Variants in FBXW10 observed in about 807,000 individuals in gnomAD.
The protein encoded by FBXW10 is F-box/WD repeat-containing protein 10.
Under a neutral mutation model 113.1 loss-of-function variants are expected in FBXW10, and 68 were observed. That is an observed-to-expected ratio of 0.60 (90% CI 0.49 to 0.74). The LOEUF is 0.74. Among genes scored for constraint, FBXW10 ranks in the 30% least tolerant of loss-of-function variants. FBXW10 has a pLI of 0.00. For synonymous variants in FBXW10, 289 were observed against 481.6 expected, an observed-to-expected ratio of 0.60 and a Z score of 5.24; for missense variants, 753 against 1,284.5, an observed-to-expected ratio of 0.59 and a Z score of 6.32.
At chr17:18,762,042 C>G (rs1003018799) in intron 7 of FBXW10, among the ~76,000 whole-genome samples, 1 of 151,772 alleles carries the variant, frequency 6.6e-6, no homozygotes, top group African/African-American at 2.4e-5. Context: ...AGCTCACTGC[C>G]AGCTCCGCCT....
rs71185818 is a variant in FBXW10, at chr17:18,754,798, T to C, written c.1123-1247T>C. 7.8e-3 allele frequency among the ~76,000 whole-genome samples: 1,190 copies of C among 151,626 alleles called. 14 individuals are homozygous for C. The highest frequency in any genetic ancestry group is 0.026 in the African/African-American group (1,073 of 41,380). On this transcript the variant is annotated intron_variant, in intron 5 of 13. Transcript: ENST00000395665. ...CAGGCAGGAAGGAAATAAAGAAAGA[T>C]TGGGAAGCAAATGAAAGCGCCCTTG...
In FBXW10 at chr17:18,778,627, G is replaced by A. The variant is rs373000642; in HGVS notation, c.2488G>A (p.Glu830Lys). The A allele has an allele frequency of 4.3e-6, 7 of 1,613,642 alleles. No homozygotes were observed. Among genetic ancestry groups the A allele is most frequent in the South Asian group, 1.1e-5 (1 of 91,072 alleles). ...CCTGCAGCACGCCCATAATTCCGGG[G>A]AATTTGCCTATCCCTGTAGGCCCCA... is the stretch of plus-strand genomic sequence containing the variant. ...SALQHAHNSG[E>K]FAYPCRPQTE... The change falls in exon 14 of 14, where the codon GAA becomes AAA. Residue 830 changes from glutamate (E) to lysine (K), a missense_variant. Coordinates refer to ENST00000395665, the MANE Select transcript of FBXW10 (RefSeq NM_001267585.2).
In FBXW10 at chr17:18,759,133, A is replaced by G. The variant is rs976700830; in HGVS notation, c.1433+628A>G. Among the ~76,000 whole-genome samples the G allele has an allele frequency of 3.9e-5, 6 of 152,018 alleles. No individual in the cohort carries two copies. The East Asian group carries it at 9.6e-4, about 24-fold the overall frequency. ...TGCAGTGAGCCGAGATGGTGCCACTACACTCCAGACTGGGCGACACAGCGA... is the reference window on the plus strand; with the variant it reads ...TGCAGTGAGCCGAGATGGTGCCACTGCACTCCAGACTGGGCGACACAGCGA... On this transcript the variant is annotated intron_variant, in intron 7 of 13. Coordinates refer to ENST00000395665, the MANE Select transcript of FBXW10 (RefSeq NM_001267585.2).
intron 1 of FBXW10, among the ~76,000 whole-genome samples, chr17:18,747,218 G>A (rs2035055804): frequency 6.6e-6 from 1 of 152,016 alleles, no homozygotes; most frequent in Non-Finnish European, 1.5e-5. Context: ...GAACCATCAC[G>A]CCGGGCCAAC....
At chr17:18,759,593 G>T (rs1217898450) in intron 7 of FBXW10, among the ~76,000 whole-genome samples, 2 of 151,390 alleles carry the variant, frequency 1.3e-5, no homozygotes, top group Admixed American at 6.6e-5. Flanking sequence ...TCTGTTGGTG[G>T]ACATTTGCAT....
At position 18,744,319 on chromosome 17, in the gene FBXW10, A is replaced by G; in HGVS notation, c.75A>G (p.Leu25=). Residue 25 remains leucine, a synonymous_variant, in exon 1 of 14, where the codon CTA becomes CTG. Transcript: ENST00000395665. The part of the protein sequence containing the change: ...RCEKGTDSIP[L]CRKCETCVLA... Reference sequence around the variant, plus strand: ...AGAAGGGAACCGATTCCATCCCTCTATGCCGGAAGTGTGAGACGTGTGTCT... The same window carrying G: ...AGAAGGGAACCGATTCCATCCCTCTGTGCCGGAAGTGTGAGACGTGTGTCT... 6.2e-7 allele frequency: 1 copy of G among 1,613,482 alleles called. No individual in the cohort carries two copies. Among genetic ancestry groups the G allele is most frequent in the Non-Finnish European group, 8.5e-7 (1 of 1,179,810 alleles).
intron 11 of FBXW10, among the ~76,000 whole-genome samples, chr17:18,771,016 T>C (rs901583400): frequency 4.6e-5 from 7 of 152,074 alleles, no homozygotes; most frequent in Admixed American, 3.3e-4. Context: ...GCCTTCCTTT[T>C]AGTGAAACTT....
In FBXW10 at chr17:18,744,154, G is replaced by A; in HGVS notation, c.-91G>A. ...TTTGTAATAGAAAAGGCACAACTGG[G>A]GTATTTATTCATTCCCCCCGTTCCT... On this transcript the variant is annotated 5_prime_UTR_variant, in exon 1 of 14. Coordinates refer to ENST00000395665, the MANE Select transcript of FBXW10 (RefSeq NM_001267585.2). 6.5e-7 allele frequency: 1 copy of A among 1,528,284 alleles called. No homozygotes were observed. Among genetic ancestry groups the A allele is most frequent in the Non-Finnish European group, 8.8e-7 (1 of 1,138,880 alleles). 94.7% of individuals were successfully genotyped at this position (1,528,284 alleles called of 1,614,324 possible).
rs2035635196 is a variant in FBXW10 at position 18,772,543 on chromosome 17, T to C, written c.2138T>C (p.Met713Thr). ...GAGGAAAAAGAAGAAAATAGTCTCA[T>C]GGAAATTCTCTCTAAGTGTAATATT... is the stretch of plus-strand genomic sequence containing the variant. The part of the protein sequence containing the change: ...KEEEKEENSL[M>T]EILSKCNIQV... Residue 713 changes from methionine (M) to threonine (T), a missense_variant, in exon 12 of 14, where the codon ATG becomes ACG. Transcript: ENST00000395665. 1.2e-6 allele frequency: 2 copies of C among 1,614,038 alleles called. No homozygotes were observed. The highest frequency in any genetic ancestry group is 1.7e-5 in the Admixed American group (1 of 60,010).
intron 2 of FBXW10, 28 bp downstream of exon 2, chr17:18,748,133 A>G (rs764731483): frequency 3.7e-6 from 6 of 1,613,364 alleles, no homozygotes; most frequent in African/African-American, 2.7e-5. Flanking sequence ...AAGAAAGCCA[A>G]TATGGGCTAG....
intron 8 of FBXW10, among the ~76,000 whole-genome samples, chr17:18,765,491 C>T (rs180706625): frequency 6.6e-6 from 1 of 152,352 alleles, no homozygotes; most frequent in East Asian, 1.9e-4. Flanking sequence ...CTCTATGCCT[C>T]AGTTTCCTCA....
In FBXW10 at chr17:18,778,577, A is replaced by G. The variant is rs1466244849; in HGVS notation, c.2438A>G (p.Asp813Gly). 1 of 1,613,894 alleles carries G rather than the reference A, an allele frequency of 6.2e-7. No homozygotes were observed. The highest frequency in any genetic ancestry group is 1.3e-5 in the African/African-American group (1 of 74,930). ...TCTTGGAAAATCCCTATGTCACCTGACCAATTCCTCCTGACTGTTAGCGCC... is the reference window on the plus strand; with the variant it reads ...TCTTGGAAAATCCCTATGTCACCTGGCCAATTCCTCCTGACTGTTAGCGCC... ...KKSWKIPMSP[D>G]QFLLTVSALQ... The change falls in exon 14 of 14, where the codon GAC (aspartate) becomes GGC (glycine). Residue 813 changes from aspartate to glycine, a missense_variant. Physicochemically the swap from Asp to Gly is moderately conservative, Grantham distance 94 (BLOSUM62 -1). Transcript: ENST00000395665.
intron 12 of FBXW10, among the ~76,000 whole-genome samples, chr17:18,773,614 T>G (rs1306650627): frequency 6.6e-6 from 1 of 152,172 alleles, no homozygotes; most frequent in Non-Finnish European, 1.5e-5. Flanking sequence ...CAGCCCTATA[T>G]TTGGCATGTG....
At chr17:18,748,429 A>G (rs1230562119) in intron 2 of FBXW10, among the ~76,000 whole-genome samples, 11 of 137,606 alleles carry the variant, frequency 8.0e-5, no homozygotes, top group South Asian at 2.2e-4. Context: ...AAAAAAAAAA[A>G]AAAGAAAGCC....
chr17:18,777,016 G>C (rs1335703948), intron 13 of FBXW10, among the ~76,000 whole-genome samples: 1 of 149,110 alleles, frequency 6.7e-6, no homozygotes, highest in Non-Finnish European at 1.5e-5. Flanking sequence ...CTCTTTTTGA[G>C]TTTGCAAGGA....
intron 8 of FBXW10, among the ~76,000 whole-genome samples, chr17:18,765,203 A>T (rs1461940185): frequency 6.6e-6 from 1 of 152,250 alleles, no homozygotes; most frequent in African/African-American, 2.4e-5. Context: ...TGGGGAATAT[A>T]ATAAGTCCAT....
intron 13 of FBXW10, among the ~76,000 whole-genome samples, chr17:18,776,514 G>A (rs561923805): frequency 6.6e-4 from 101 of 152,286 alleles, no homozygotes; most frequent in Non-Finnish European, 1.3e-3. Context: ...TGAGGGCTGC[G>A]CTAACAATGG....
chr17:18,766,998 G>A (rs2151820561), intron 9 of FBXW10, 136 bp downstream of exon 9: 1 of 1,117,548 alleles, frequency 8.9e-7, no homozygotes, highest in South Asian at 1.6e-5. Flanking sequence ...AGCTCTAAAG[G>A]GGAAGGCCCC....
chr17:18,766,376 C>T (rs949047140), intron 8 of FBXW10, among the ~76,000 whole-genome samples: 12 of 151,536 alleles, frequency 7.9e-5, no homozygotes, highest in African/African-American at 2.9e-4. Context: ...GAAATCTACT[C>T]GATAGCAAGC....
Sources: allele counts gnomAD v4.1 joint callset (sites outside exome capture counted in the v4.1 genomes callset), GRCh38; gene constraint gnomAD v4.1.1; transcripts MANE v1.5; gene names NCBI Gene and HGNC (gene_info 2026-07-23, HGNC 2026-07-21).